Variants in MYLK3 observed in about 807,000 individuals in gnomAD.
MYLK3 encodes myosin light chain kinase 3, also known as MLC kinase.
MYLK3 carries 55 observed loss-of-function variants against 76.3 expected under a neutral mutation model. That is an observed-to-expected ratio of 0.72 (90% CI 0.58 to 0.90). The LOEUF (loss-of-function observed/expected upper bound fraction) is 0.90. Ranked by LOEUF, MYLK3 falls within the 40% of genes least tolerant of loss-of-function variation. The probability of loss-of-function intolerance (pLI) is 0.00; values close to 1 mark genes in which losing one functional copy is unlikely to be tolerated. For missense variants in MYLK3, 973 were observed against 1,053.6 expected, an observed-to-expected ratio of 0.92 and a Z score of 1.06; for synonymous variants, 416 against 425.4, an observed-to-expected ratio of 0.98 and a Z score of 0.27.
In MYLK3 at chr16:46,727,393, G is replaced by A. The variant is rs1231106590; in HGVS notation, c.1773-16C>T. 8.1e-6 allele frequency: 13 copies of A among 1,598,070 alleles called. No individual in the cohort carries two copies. The highest frequency in any genetic ancestry group is 1.1e-5 in the Non-Finnish European group (13 of 1,167,798). On this transcript the variant is annotated splice_polypyrimidine_tract_variant and intron_variant, in intron 7 of 12. Coordinates refer to ENST00000394809, the MANE Select transcript of MYLK3 (RefSeq NM_182493.3). ...CCCGTCCACGCTGCCAGAGCAAAGG[G>A]AGAGGCAGGCACCAGCCTAAGCAAG...
At position 46,703,917 on chromosome 16, in the gene MYLK3, T is replaced by C. The variant is rs187537404; in HGVS notation, c.*3787A>G. 1 of 153,914 alleles carries C rather than the reference T, an allele frequency of 6.5e-6. No homozygotes were observed. Among genetic ancestry groups the C allele is most frequent in the East Asian group, 1.9e-4 (1 of 5,194 alleles). 9.5% of individuals were successfully genotyped at this position (153,914 alleles called of 1,614,324 possible). ...TGCAACTGCAGAACTGAATTTCTAA[T>C]TTTATTTAATTTTAATACATGTAAA... On this transcript the variant is annotated 3_prime_UTR_variant, in exon 13 of 13. Transcript: ENST00000394809.
At position 46,732,315 on chromosome 16, in the gene MYLK3, C is replaced by T. The variant is rs764079283; in HGVS notation, c.1355G>A (p.Gly452Glu). 42 of 1,611,822 alleles carry T rather than the reference C, an allele frequency of 2.6e-5. No homozygotes were observed. Among genetic ancestry groups the T allele is most frequent in the Non-Finnish European group, 3.6e-5 (42 of 1,180,040 alleles). The change falls in exon 4 of 13, where the codon GGG becomes GAG. Residue 452 changes from glycine to glutamate, a missense_variant. Gly to Glu is a moderately conservative substitution (Grantham distance 98). This residue lies in a region of MYLK3 where 641 missense variants were observed against 637.0 expected (regional missense o/e 1.01). Transcript: ENST00000394809. ...ALGLQQGKSP[G>E]AGNPEPEQDC... ...CTGCTCAGGCTCAGGGTTTCCCGCCCCTGGGCTTTTGCCCTGCTGCAGGCC... is the reference window on the plus strand; with the variant it reads ...CTGCTCAGGCTCAGGGTTTCCCGCCTCTGGGCTTTTGCCCTGCTGCAGGCC...
intron 7 of MYLK3, 122 bp from the exon 8 acceptor site, chr16:46,727,499 A>G (rs1966845067): frequency 4.6e-6 from 5 of 1,076,002 alleles, no homozygotes; most frequent in Non-Finnish European, 6.5e-6. Context: ...CCCATGGGTC[A>G]CAGGGCTGCT....
chr16:46,712,552 T>C (rs954531903), intron 10 of MYLK3, 96 bp downstream of exon 10: 37 of 1,230,632 alleles, frequency 3.0e-5, no homozygotes, highest in Non-Finnish European at 3.4e-5. Flanking sequence ...ACCTCCCAAA[T>C]AGACTACTTG....
intron 1 of MYLK3, among the ~76,000 whole-genome samples, chr16:46,744,392 G>A (rs1365610160): frequency 1.6e-5 from 2 of 124,850 alleles, no homozygotes; most frequent in African/African-American, 6.2e-5. Context: ...CCAGGCTGCA[G>A]TATGGTGGTG....
chr16:46,741,202 T>C (rs1348851783), intron 1 of MYLK3, among the ~76,000 whole-genome samples: 1 of 152,246 alleles, frequency 6.6e-6, no homozygotes, highest in Non-Finnish European at 1.5e-5. Context: ...TTGGGAGTAA[T>C]GTGCAAATGT....
Position 46,707,754 on chromosome 16 carries a change from A to G in MYLK3, c.2410T>C (p.Tyr804His), listed in dbSNP as rs749586260. 6.2e-7 allele frequency: 1 copy of G among 1,612,342 alleles called. No homozygotes were observed. The highest frequency in any genetic ancestry group is 1.7e-5 in the Admixed American group (1 of 59,956). The change falls in exon 13 of 13, where the codon TAT (tyrosine) becomes CAT (histidine). Residue 804 changes from tyrosine (Y) to histidine (H), a missense_variant. By Grantham distance (83) the Tyr-to-His change is moderately conservative. Around this residue, in one of 2 missense-constraint regions of MYLK3, gnomAD observed 332 missense variants for 416.6 expected, o/e 0.80. Coordinates refer to ENST00000394809, the MANE Select transcript of MYLK3 (RefSeq NM_182493.3). ...AACCTGTTGGCAGCAGTCACCACAT[A>G]GAAATGTTTCTTGAGGCAAGGAGAG... is the stretch of plus-strand genomic sequence containing the variant. ...IAQRKWKKHF[Y>H]VVTAANRLRK...
rs188598582 is a variant in MYLK3, at chr16:46,731,985, G to A, written c.1462+223C>T. Among the ~76,000 whole-genome samples, 7 of 151,994 alleles carry A rather than the reference G, an allele frequency of 4.6e-5. No individual in the cohort carries two copies. The East Asian group carries it at 1.2e-3, about 25-fold the overall frequency. ...GGAAATGTACCCAGGTGGGCCACAC[G>A]TGTCCCCTCTCCCTTACCCCTGCAG... On this transcript the variant is annotated intron_variant, in intron 4 of 12. Transcript: ENST00000394809.
intron 9 of MYLK3, 125 bp downstream of exon 9, chr16:46,720,998 A>G (rs1272086453): frequency 1.4e-5 from 12 of 852,100 alleles, no homozygotes; most frequent in Non-Finnish European, 2.4e-5. Flanking sequence ...CAGCTTCTGC[A>G]CACAAGAGCT....
At chr16:46,712,513 C>T in intron 10 of MYLK3, 135 bp downstream of exon 10, 1 of 683,340 alleles carries the variant, frequency 1.5e-6, no homozygotes, top group Non-Finnish European at 2.2e-6. Context: ...TCTCACTACC[C>T]TATTCCTCTA....
chr16:46,752,863 G>T (rs1967144648), upstream of MYLK3, among the ~76,000 whole-genome samples: 1 of 152,078 alleles, frequency 6.6e-6, no homozygotes, highest in Non-Finnish European at 1.5e-5. Flanking sequence ...CTGGACAACA[G>T]AAAAAGACCC....
intron 12 of MYLK3, 93 bp downstream of exon 12, chr16:46,709,446 A>C (rs183768169): frequency 1.7e-4 from 239 of 1,427,698 alleles, no homozygotes; most frequent in Admixed American, 1.6e-4. Context: ...AAAAGAAGAA[A>C]AAAAAAAAAA....
intron 9 of MYLK3, among the ~76,000 whole-genome samples, chr16:46,720,798 G>C (rs1333018704): frequency 6.6e-6 from 1 of 152,146 alleles, no homozygotes; most frequent in African/African-American, 2.4e-5. Context: ...GCCCCAGGAT[G>C]CCTGGGGAAC....
chr16:46,753,560 A>C (rs1475667960), intron 1 of MYLK3, among the ~76,000 whole-genome samples: 1 of 152,228 alleles, frequency 6.6e-6, no homozygotes, highest in Non-Finnish European at 1.5e-5. Flanking sequence ...TAAAGCAAAT[A>C]AACAGAAACA....
At position 46,721,190 on chromosome 16, in the gene MYLK3, C is replaced by A. The variant is rs200273365; in HGVS notation, c.1918G>T (p.Glu640Ter). 6 of 1,614,198 alleles carry A rather than the reference C, an allele frequency of 3.7e-6. No homozygotes were observed. Among genetic ancestry groups the A allele is most frequent in the Non-Finnish European group, 5.1e-6 (6 of 1,180,028 alleles). ...HYILHLDLKPENILCVNQTGH... is the reference protein window; with the variant it reads ...HYILHLDLKP ...GTCTGATTGACGCACAATATGTTCT[C>A]CGGCTGGGAAAGAAAGAAGTCTGCT... The change falls in exon 9 of 13, where the codon GAG (glutamate) becomes TAG (stop). Residue 640 changes from glutamate to a stop codon, truncating the protein, a stop_gained. Transcript: ENST00000394809. LOFTEE classifies it high-confidence loss of function.
Position 46,737,902 on chromosome 16 carries a change from C to T in MYLK3, c.810G>A (p.Arg270=). The T allele has an allele frequency of 1.2e-6, 2 of 1,614,180 alleles. No individual in the cohort carries two copies. The highest frequency in any genetic ancestry group is 1.7e-6 in the Non-Finnish European group (2 of 1,180,018). Residue 270 remains arginine, a synonymous_variant, in exon 3 of 13, where the codon AGG becomes AGA. Transcript: ENST00000394809. The part of the protein sequence containing the change: ...TGLELAPAPG[R]VNVVSPSLEV... Reference sequence around the variant, plus strand: ...CCAGGCTCGGGGAGACCACATTGACCCTGCCGGGTGCTGGAGCCAATTCCA... The same window carrying T: ...CCAGGCTCGGGGAGACCACATTGACTCTGCCGGGTGCTGGAGCCAATTCCA...
chr16:46,729,769 T>C, intron 5 of MYLK3, 82 bp from the exon 6 acceptor site: 1 of 1,224,796 alleles, frequency 8.2e-7, no homozygotes, highest in Non-Finnish European at 1.2e-6. Context: ...GTCCAACTCA[T>C]CCACACACAG....
chr16:46,705,080 CTT>C lies in MYLK3; in HGVS notation c.*2622_*2623del, dbSNP rs1966611515. On this transcript the variant is annotated 3_prime_UTR_variant, in exon 13 of 13. Transcript: ENST00000394809. ...ACAAGGGTTAGCCTTCCAGAGGAAACTTAACAACTTGAGAACTGCAGCAGCAG... is the reference window on the plus strand; with the variant it reads ...ACAAGGGTTAGCCTTCCAGAGGAAACAACAACTTGAGAACTGCAGCAGCAG... 2 of 152,204 alleles carry C rather than the reference CTT, an allele frequency of 1.3e-5. No homozygotes were observed. The highest frequency in any genetic ancestry group is 4.8e-5 in the African/African-American group (2 of 41,450). The allele number at this position is 152,204 out of a possible 1,614,324, so 9.4% of individuals were successfully genotyped here.
At position 46,743,370 on chromosome 16, in the gene MYLK3, A is replaced by T. The variant is rs181236234; in HGVS notation, c.478-3223T>A. 3.8e-3 allele frequency among the ~76,000 whole-genome samples: 576 copies of T among 152,326 alleles called. 4 individuals carry two copies. Among genetic ancestry groups the T allele is most frequent in the African/African-American group, 0.013 (553 of 41,570 alleles). ...GAAACACAGTCCCCAAGAAGCCTCC[A>T]TAATGCACGGCGTTCAGCACTGACG... On this transcript the variant is annotated intron_variant, in intron 1 of 12. Coordinates refer to ENST00000394809, the MANE Select transcript of MYLK3 (RefSeq NM_182493.3).
Sources: gnomAD v4.1 joint callset for allele counts (sites outside exome capture counted in the v4.1 genomes callset) on GRCh38, gnomAD v4.1.1 for gene constraint, gnomAD v4.1.1 regional missense constraint, MANE v1.5 for transcripts, NCBI Gene and HGNC (gene_info 2026-07-23, HGNC 2026-07-21) for gene names.